SAMMSON: variants seen among roughly 807,000 people sequenced by gnomAD.
SAMMSON encodes survival associated mitochondrial melanoma specific oncogenic non-coding RNA.
intron 4 of SAMMSON, among the ~76,000 whole-genome samples, chr3:70,161,191 G>T (rs2067614030): frequency 6.6e-6 from 1 of 151,780 alleles, no homozygotes; most frequent in Non-Finnish European, 1.5e-5. Flanking sequence ...AATTGCACTG[G>T]CTTAAACTTC....
intron 9 of SAMMSON, among the ~76,000 whole-genome samples, chr3:70,366,492 G>GTTTTTTTTTTTTTTTTTT: frequency 6.9e-5 from 7 of 100,754 alleles, no homozygotes; most frequent in Non-Finnish European, 1.2e-4. Context: ...GTGTTTTTAT[G>GTTTTTTTTTTTTTTTTTT]TTTTTTTTTT....
At chr3:70,019,463 A>C (rs1409214199) in intron 3 of SAMMSON, among the ~76,000 whole-genome samples, 2 of 151,684 alleles carry the variant, frequency 1.3e-5, no homozygotes, top group Non-Finnish European at 2.9e-5. Flanking sequence ...CTTTATTTTG[A>C]GCCTATGTGT....
intron 4 of SAMMSON, among the ~76,000 whole-genome samples, chr3:70,217,471 C>G (rs1701426274): frequency 6.6e-6 from 1 of 152,024 alleles, no homozygotes; most frequent in African/African-American, 2.4e-5. Flanking sequence ...AGACTTGTAC[C>G]AAGAGGGATT....
At chr3:70,226,420 G>A (rs1701507505) in intron 4 of SAMMSON, among the ~76,000 whole-genome samples, 3 of 152,152 alleles carry the variant, frequency 2.0e-5, no homozygotes, top group Non-Finnish European at 4.4e-5. Context: ...GTGTCTCAGT[G>A]AAATTTTCAC....
Position 70,345,103 on chromosome 3 carries a change from G to A in SAMMSON, n.740-9072G>A, listed in dbSNP as rs113198782. Among the ~76,000 whole-genome samples the A allele has an allele frequency of 7.2e-3, 1,095 of 152,210 alleles. 5 individuals are homozygous for A. The highest frequency in any genetic ancestry group is 0.012 in the Non-Finnish European group (827 of 68,002). Reference sequence around the variant, plus strand: ...TATATCTATATGAAATTAAATATGAGTTTATACCGATGTCTCCATCTCTAA... The same window carrying A: ...TATATCTATATGAAATTAAATATGAATTTATACCGATGTCTCCATCTCTAA... On this transcript the variant is annotated intron_variant and non_coding_transcript_variant, in intron 7 of 9. Coordinates refer to ENST00000642114, the Ensembl canonical transcript of SAMMSON.
chr3:70,370,047 A>G (rs533974014), intron 9 of SAMMSON, among the ~76,000 whole-genome samples: 5 of 151,908 alleles, frequency 3.3e-5, no homozygotes, highest in East Asian at 3.9e-4. Context: ...TCTAGCCCCT[A>G]CGTATGAGTG....
At chr3:70,394,453 C>A (rs1483585768), downstream of SAMMSON, among the ~76,000 whole-genome samples, 1 of 152,012 alleles carries the variant, frequency 6.6e-6, no homozygotes, top group African/African-American at 2.4e-5. Flanking sequence ...CAGTTTGGGC[C>A]AAGCGGACAA....
intron 4 of SAMMSON, among the ~76,000 whole-genome samples, chr3:70,192,823 G>A (rs1701141203): frequency 1.3e-5 from 2 of 152,118 alleles, no homozygotes; most frequent in South Asian, 4.2e-4. Context: ...TGTTTTGTCT[G>A]GCAACTCTAT....
intron 3 of SAMMSON, among the ~76,000 whole-genome samples, chr3:70,066,498 A>G (rs1315325605): frequency 6.6e-6 from 1 of 152,250 alleles, no homozygotes; most frequent in South Asian, 2.1e-4. Context: ...GGGAAATTAT[A>G]TAACAGCCAT....
intron 4 of SAMMSON, among the ~76,000 whole-genome samples, chr3:70,122,043 T>G (rs925981056): frequency 6.6e-6 from 1 of 152,120 alleles, no homozygotes; most frequent in Non-Finnish European, 1.5e-5. Context: ...GTGCCAAAAA[T>G]TATCCTATTA....
At chr3:70,079,385 G>A (rs1237015484) in intron 4 of SAMMSON, among the ~76,000 whole-genome samples, 1 of 152,108 alleles carries the variant, frequency 6.6e-6, no homozygotes, top group Non-Finnish European at 1.5e-5. Context: ...AGAGACCCAC[G>A]AACTGAACAC....
intron 7 of SAMMSON, among the ~76,000 whole-genome samples, chr3:70,304,204 C>A (rs1211146170): frequency 2.6e-5 from 4 of 152,118 alleles, no homozygotes; most frequent in African/African-American, 9.7e-5. Context: ...TTTTCTTTCA[C>A]TTCTTGGAGC....
At chr3:70,378,786 T>C (rs193018023) in intron 9 of SAMMSON, among the ~76,000 whole-genome samples, 1 of 152,082 alleles carries the variant, frequency 6.6e-6, no homozygotes, top group Non-Finnish European at 1.5e-5. Context: ...AGATTATTTA[T>C]TGTGACATCA....
intron 3 of SAMMSON, among the ~76,000 whole-genome samples, chr3:70,070,921 A>T: frequency 6.6e-6 from 1 of 152,076 alleles, no homozygotes; most frequent in East Asian, 1.9e-4. Flanking sequence ...AAAGCCCCAG[A>T]CGTCTGAGCT....
intron 4 of SAMMSON, among the ~76,000 whole-genome samples, chr3:70,134,213 T>A (rs983248116): frequency 6.6e-6 from 1 of 151,826 alleles, no homozygotes; most frequent in African/African-American, 2.4e-5. Flanking sequence ...TGAGCCGAGA[T>A]TGTGCCACTG....
At chr3:70,255,478 G>A (rs888174655) in intron 6 of SAMMSON, among the ~76,000 whole-genome samples, 1 of 152,170 alleles carries the variant, frequency 6.6e-6, no homozygotes, top group Admixed American at 6.5e-5. Flanking sequence ...TGCCCAGGCA[G>A]TGGTATGAGC....
At chr3:70,353,932 G>A (rs1702812035) in intron 7 of SAMMSON, among the ~76,000 whole-genome samples, 1 of 152,080 alleles carries the variant, frequency 6.6e-6, no homozygotes, top group Non-Finnish European at 1.5e-5. Flanking sequence ...TATATGCTAA[G>A]GGATAAAAGC....
intron 9 of SAMMSON, among the ~76,000 whole-genome samples, chr3:70,384,236 A>G (rs1193379101): frequency 1.3e-5 from 2 of 152,096 alleles, no homozygotes; most frequent in African/African-American, 4.8e-5. Context: ...ATGCATGATG[A>G]AAAATTTTAA....
chr3:70,007,645 G>A (rs1393656314), intron 1 of SAMMSON, among the ~76,000 whole-genome samples: 1 of 151,882 alleles, frequency 6.6e-6, no homozygotes, highest in Admixed American at 6.6e-5. Context: ...AAGCTCTTTA[G>A]TTTAATTAGA....
Sources: gnomAD v4.1 joint callset for allele counts (sites outside exome capture counted in the v4.1 genomes callset) on GRCh38, gnomAD v4.1.1 for gene constraint, MANE v1.5 for transcripts, NCBI Gene and HGNC (gene_info 2026-07-23, HGNC 2026-07-21) for gene names.